The following MAP1B variants were observed in gnomAD, a reference collection of about 807,000 sequenced individuals.
MAP1B encodes the protein microtubule-associated protein 1B.
A neutral mutation model predicts 176.1 loss-of-function variants in MAP1B; 12 were observed. That is an observed-to-expected ratio of 0.07 (90% confidence interval 0.04 to 0.11). The LOEUF (loss-of-function observed/expected upper bound fraction) is 0.11. Among genes scored for constraint, MAP1B ranks in the 10% least tolerant of loss-of-function variants. The probability of loss-of-function intolerance (pLI) is 1.00; values close to 1 mark genes in which losing one functional copy is unlikely to be tolerated. For synonymous variants in MAP1B, 1,044 were observed against 1,135.0 expected (o/e 0.92, Z 1.61); for missense variants, 2,523 against 2,990.5 (o/e 0.84, Z 3.65).
chr5:72,114,361 A>G (rs546991583), intron 1 of MAP1B, among the ~76,000 whole-genome samples: 2 of 152,350 alleles, frequency 1.3e-5, no homozygotes, highest in East Asian at 3.9e-4. Context: ...TATTCCTTCA[A>G]GTCTGTATAC....
At chr5:72,155,568 T>C (rs1746212808) in intron 2 of MAP1B, among the ~76,000 whole-genome samples, 1 of 152,108 alleles carries the variant, frequency 6.6e-6, no homozygotes, top group African/African-American at 2.4e-5. Flanking sequence ...CATACAACCA[T>C]ATTTGGAGCC....
chr5:72,193,293 CACA>C, intron 4 of MAP1B: 2 of 428,428 alleles, frequency 4.7e-6, no homozygotes, highest in Non-Finnish European at 9.2e-6. Flanking sequence ...GAAAGGAGGC[CACA>C]ACAAGTGCCC....
chr5:72,153,723 C>G (rs1746183279), intron 2 of MAP1B, among the ~76,000 whole-genome samples: 2 of 152,140 alleles, frequency 1.3e-5, no homozygotes, highest in Non-Finnish European at 2.9e-5. Flanking sequence ...AGTCTTCAAT[C>G]AAGTCCTTTT....
At chr5:72,143,473 G>A (rs148386720) in intron 2 of MAP1B, among the ~76,000 whole-genome samples, 33 of 152,170 alleles carry the variant, frequency 2.2e-4, no homozygotes, top group African/African-American at 7.9e-4. Flanking sequence ...AGGACGTATC[G>A]GTTTGCCACC....
In MAP1B at chr5:72,196,879, C is replaced by G. The variant is rs1225958313; in HGVS notation, c.3524C>G (p.Ser1175Cys). ...YESSLYSQEYSKPADVTPLNG... is the reference protein window; with the variant it reads ...YESSLYSQEYCKPADVTPLNG... ...TCTTCATTGTATTCTCAGGAATACT[C>G]TAAACCTGCTGATGTTACACCGCTC... The change falls in exon 5 of 7, where the codon TCT (serine) becomes TGT (cysteine). Residue 1175 changes from serine to cysteine, a missense_variant. Ser to Cys is a moderately radical substitution (Grantham distance 112, BLOSUM62 -1). This residue lies in a region of MAP1B where 1,925 missense variants were observed against 2,126.0 expected (regional missense o/e 0.91). Coordinates refer to ENST00000296755, the MANE Select transcript of MAP1B (RefSeq NM_005909.5). This position sits in a 1 kb window ranked among gnomAD's most constrained non-coding sequence, Gnocchi z 5.3. The G allele has an allele frequency of 1.2e-6, 2 of 1,614,180 alleles. No individual in the cohort carries two copies. Among genetic ancestry groups the G allele is most frequent in the Admixed American group, 3.3e-5 (2 of 60,030 alleles).
Position 72,199,577 on chromosome 5 carries a change from A to G in MAP1B, c.6222A>G (p.Ser2074=). Residue 2074 remains serine, a synonymous_variant, in exon 5 of 7, where the codon TCA becomes TCG. Transcript: ENST00000296755. This position sits in a 1 kb window ranked among gnomAD's most constrained non-coding sequence, Gnocchi z 4.2. ...ACACTGCAGAAAAGAAGTCCCCCTC[A>G]GAAGCCCGTCAGGATGTCGATTTAT... The part of the protein sequence containing the change: ...LCYTAEKKSP[S]EARQDVDLCL... 1 of 1,614,196 alleles carries G rather than the reference A, an allele frequency of 6.2e-7. No homozygotes were observed. Among genetic ancestry groups the G allele is most frequent in the Non-Finnish European group, 8.5e-7 (1 of 1,180,036 alleles).
chr5:72,141,771 A>G (rs1014000317), intron 2 of MAP1B, among the ~76,000 whole-genome samples: 2 of 152,222 alleles, frequency 1.3e-5, no homozygotes, highest in African/African-American at 4.8e-5. Context: ...TAAAAAAAGA[A>G]AAAAAAGCCT....
intron 5 of MAP1B, 21 bp from the exon 6 acceptor site, chr5:72,203,542 G>T (rs1202757949): frequency 6.3e-7 from 1 of 1,583,346 alleles, no homozygotes; most frequent in South Asian, 1.1e-5. Flanking sequence ...ACCTTGCTTT[G>T]TCTTTGTTTA....
chr5:72,115,880 A>G, intron 2 of MAP1B, 81 bp downstream of exon 2: 1 of 963,584 alleles, frequency 1.0e-6, no homozygotes, highest in Non-Finnish European at 1.7e-6. Context: ...TGAGGCAGCA[A>G]AAAGACTCTC....
intron 2 of MAP1B, among the ~76,000 whole-genome samples, chr5:72,131,993 A>G (rs1235012736): frequency 2.0e-5 from 3 of 152,218 alleles, no homozygotes; most frequent in Non-Finnish European, 1.5e-5. Flanking sequence ...GTGATGAAGT[A>G]TCTAAAATTT....
intron 2 of MAP1B, among the ~76,000 whole-genome samples, chr5:72,155,543 A>G (rs1746211607): frequency 1.3e-5 from 2 of 152,228 alleles, no homozygotes; most frequent in South Asian, 4.1e-4. Context: ...CATTGTGACA[A>G]TATGCAGTTT....
intron 2 of MAP1B, among the ~76,000 whole-genome samples, chr5:72,135,556 T>G (rs1265392727): frequency 6.6e-6 from 1 of 152,152 alleles, no homozygotes; most frequent in Non-Finnish European, 1.5e-5. Flanking sequence ...GAATTTCAGG[T>G]TTTTTGAATT....
chr5:72,195,311 G>A lies in MAP1B; in HGVS notation c.1956G>A (p.Glu652=). 1 of 1,608,942 alleles carries A rather than the reference G, an allele frequency of 6.2e-7. No homozygotes were observed. Among genetic ancestry groups the A allele is most frequent in the African/African-American group, 1.3e-5 (1 of 74,222 alleles). Residue 652 remains glutamate (E), a synonymous_variant, in exon 5 of 7, where the codon GAG becomes GAA. Transcript: ENST00000296755. ...TAAAGCCTGAAGACAAGAAAGAGGAGAAAGAAAAGCCAAAGAAAGAAGTGG... is the reference window on the plus strand; with the variant it reads ...TAAAGCCTGAAGACAAGAAAGAGGAAAAAGAAAAGCCAAAGAAAGAAGTGG... ...TKVKPEDKKE[E]KEKPKKEVAK...
intron 4 of MAP1B, among the ~76,000 whole-genome samples, chr5:72,192,133 T>C (rs1747037767): frequency 6.6e-6 from 1 of 152,236 alleles, no homozygotes; most frequent in Non-Finnish European, 1.5e-5. Context: ...CTAAAACATA[T>C]TATAAAACAT....
chr5:72,163,916 C>CTTTTTTTTTTTTTTTTT (rs796802217), intron 2 of MAP1B, among the ~76,000 whole-genome samples: 2 of 97,102 alleles, frequency 2.1e-5, no homozygotes, highest in Non-Finnish European at 1.9e-5. Flanking sequence ...CTCTCTCTCT[C>CTTTTTTTTTTTTTTTTT]TTTTTTTTTT....
At position 72,199,548 on chromosome 5, in the gene MAP1B, T is replaced by C. The variant is rs1224901371; in HGVS notation, c.6193T>C (p.Cys2065Arg). Residue 2065 changes from cysteine (C) to arginine (R), a missense_variant, in exon 5 of 7, where the codon TGC (cysteine) becomes CGC (arginine). By Grantham distance (180) the Cys-to-Arg change is radical. Coordinates refer to ENST00000296755, the MANE Select transcript of MAP1B (RefSeq NM_005909.5). This position sits in a 1 kb window ranked among gnomAD's most constrained non-coding sequence, Gnocchi z 4.2. ...STYSYETSDL[C>R]YTAEKKSPSE... is the part of the protein sequence containing the mutation. ...ATATTCCTACGAGACTTCAGACCTA[T>C]GCTACACTGCAGAAAAGAAGTCCCC... is the stretch of plus-strand genomic sequence containing the variant. 6.2e-7 allele frequency: 1 copy of C among 1,614,190 alleles called. No homozygotes were observed. The highest frequency in any genetic ancestry group is 1.7e-5 in the Admixed American group (1 of 60,022).
In MAP1B at chr5:72,147,874, C is replaced by T. The variant is rs2112162123; in HGVS notation, c.286+32075C>T. ...CTGTCTGCACTGACAGATTTACAGA[C>T]AGGAAAACAAAGCCTTCTTACCGGA... On this transcript the variant is annotated intron_variant, in intron 2 of 6. Transcript: ENST00000296755. 2.6e-5 allele frequency among the ~76,000 whole-genome samples: 4 copies of T among 152,190 alleles called. 1 individual carries two copies. In the South Asian group the frequency reaches 8.3e-4, roughly 32 times the overall value.
At chr5:72,160,309 G>A (rs1005612655) in intron 2 of MAP1B, among the ~76,000 whole-genome samples, 1 of 151,648 alleles carries the variant, frequency 6.6e-6, no homozygotes, top group Non-Finnish European at 1.5e-5. Flanking sequence ...CTTTGATCAA[G>A]AGCAATGGTA....
chr5:72,152,147 C>G (rs1371992443), intron 2 of MAP1B, among the ~76,000 whole-genome samples: 3 of 152,154 alleles, frequency 2.0e-5, no homozygotes, highest in Non-Finnish European at 4.4e-5. Context: ...GTGGTTCTTT[C>G]TAAAGGTGCA....
Sources: allele counts gnomAD v4.1 joint callset (sites outside exome capture counted in the v4.1 genomes callset), GRCh38; gene constraint gnomAD v4.1.1; regional missense constraint gnomAD v4.1.1; non-coding constraint Gnocchi (gnomAD v3.1); transcripts MANE v1.5; gene names NCBI Gene and HGNC (gene_info 2026-07-23, HGNC 2026-07-21).